The following GRID2 variants were observed in gnomAD, a reference collection of about 807,000 sequenced individuals.
The protein encoded by GRID2 is glutamate receptor ionotropic, delta-2.
In GRID2, 33 loss-of-function variants were observed where a neutral mutation model predicts 114.8. That is an observed-to-expected ratio of 0.29 (90% CI 0.22 to 0.38). The LOEUF is 0.38. Ranked by LOEUF, GRID2 falls within the 10% of genes least tolerant of loss-of-function variation. The pLI is 1.00. For synonymous variants in GRID2, 505 were observed against 449.9 expected, an observed-to-expected ratio of 1.12 and a Z score of -1.55; for missense variants, 1,184 against 1,257.7, an observed-to-expected ratio of 0.94 and a Z score of 0.89.
intron 9 of GRID2, among the ~76,000 whole-genome samples, chr4:93,398,133 G>GTGTGTGTGTGTGTGTATATATATA: frequency 4.1e-5 from 5 of 122,350 alleles, no homozygotes; most frequent in African/African-American, 1.9e-4. Context: ...ATGTGTGTGT[G>GTGTGTGTGTGTGTGTATATATATA]TATATATATA....
intron 9 of GRID2, among the ~76,000 whole-genome samples, chr4:93,416,121 C>T (rs1335743323): frequency 1.3e-5 from 2 of 152,000 alleles, no homozygotes; most frequent in East Asian, 1.9e-4. Flanking sequence ...TTCTTTACAA[C>T]ACCTGGATTG....
intron 1 of GRID2, among the ~76,000 whole-genome samples, chr4:92,581,983 A>G (rs1339906525): frequency 6.6e-6 from 1 of 152,108 alleles, no homozygotes; most frequent in East Asian, 1.9e-4. Context: ...TAAAATAAAA[A>G]TGATGCTTTC....
intron 8 of GRID2, among the ~76,000 whole-genome samples, chr4:93,301,037 C>T (rs558571364): frequency 1.9e-4 from 29 of 152,214 alleles, no homozygotes; most frequent in Non-Finnish European, 3.5e-4. Flanking sequence ...TCGGGCCTGA[C>T]ACCGGGCTGC....
intron 2 of GRID2, among the ~76,000 whole-genome samples, chr4:93,029,987 G>A (rs1443419572): frequency 3.3e-5 from 5 of 152,134 alleles, no homozygotes; most frequent in Non-Finnish European, 7.4e-5. Context: ...CAGTCTGCTA[G>A]GGGAACACAG....
chr4:93,022,441 T>G (rs1723461251), intron 2 of GRID2, among the ~76,000 whole-genome samples: 2 of 151,982 alleles, frequency 1.3e-5, no homozygotes, highest in South Asian at 4.1e-4. Context: ...TACATTTAAA[T>G]TTTTTCACAT....
intron 1 of GRID2, among the ~76,000 whole-genome samples, chr4:92,422,386 T>G (rs1450114466): frequency 6.6e-6 from 1 of 152,046 alleles, no homozygotes; most frequent in African/African-American, 2.4e-5. Context: ...TAAGCAGAGA[T>G]GAGACAAGTT....
At chr4:93,326,800 A>G (rs1757883713) in intron 8 of GRID2, among the ~76,000 whole-genome samples, 1 of 152,126 alleles carries the variant, frequency 6.6e-6, no homozygotes, top group Admixed American at 6.6e-5. Flanking sequence ...ACCCTTACGA[A>G]CTTGACTTTT....
intron 2 of GRID2, among the ~76,000 whole-genome samples, chr4:92,945,810 T>C (rs1355047621): frequency 1.3e-5 from 2 of 152,166 alleles, no homozygotes. Context: ...TTTCAGCCTT[T>C]TTACTGTCTG....
intron 1 of GRID2, among the ~76,000 whole-genome samples, chr4:92,498,928 TAAAA>T (rs11303897): frequency 0.24 from 33,090 of 137,714 alleles, 3,693 homozygotes; most frequent in Middle Eastern, 0.29. Context: ...CTTATTTAGG[TAAAA>T]AAAAAAAAAA....
chr4:93,069,257 A>ATG (rs954197949), intron 2 of GRID2, among the ~76,000 whole-genome samples: 11 of 120,368 alleles, frequency 9.1e-5, no homozygotes, highest in Admixed American at 9.0e-4. Flanking sequence ...TATATTATAT[A>ATG]TGTGTGTGTG....
intron 1 of GRID2, among the ~76,000 whole-genome samples, chr4:92,497,731 C>T (rs1723465048): frequency 6.6e-6 from 1 of 151,822 alleles, no homozygotes; most frequent in Admixed American, 6.6e-5. Flanking sequence ...ATCTTTTTTT[C>T]CAGCTTTGCT....
At chr4:92,718,632 G>A (rs1735660100) in intron 2 of GRID2, among the ~76,000 whole-genome samples, 1 of 151,614 alleles carries the variant, frequency 6.6e-6, no homozygotes, top group South Asian at 2.1e-4. Context: ...ACATGATGTT[G>A]CATGCCTGTA....
At chr4:93,163,356 G>GTATA (rs57285537) in intron 4 of GRID2, among the ~76,000 whole-genome samples, 140 of 56,080 alleles carry the variant, frequency 2.5e-3, no homozygotes, top group Non-Finnish European at 3.1e-3. Context: ...TTTTTTTTGT[G>GTATA]TATATATATA....
At chr4:92,750,884 T>C (rs1329882911) in intron 2 of GRID2, among the ~76,000 whole-genome samples, 1 of 152,164 alleles carries the variant, frequency 6.6e-6, no homozygotes, top group African/African-American at 2.4e-5. Context: ...ATTTTAGAGA[T>C]AAGTAATTTT....
At chr4:92,454,577 C>T (rs867712263) in intron 1 of GRID2, among the ~76,000 whole-genome samples, 1 of 152,330 alleles carries the variant, frequency 6.6e-6, no homozygotes, top group South Asian at 2.1e-4. Context: ...TGGCTCACGC[C>T]TGTAATCCCA....
intron 15 of GRID2, 142 bp downstream of exon 15, chr4:93,769,592 A>T: frequency 1.4e-6 from 1 of 724,982 alleles, no homozygotes; most frequent in East Asian, 2.7e-5. Flanking sequence ...GTTGTGAAAT[A>T]TAAAAATTGG....
At chr4:93,189,033 A>T (rs750918101) in intron 4 of GRID2, among the ~76,000 whole-genome samples, 5 of 152,210 alleles carry the variant, frequency 3.3e-5, no homozygotes, top group Non-Finnish European at 7.3e-5. Context: ...CCCTCAAAAT[A>T]ACCCCATTTT....
chr4:92,723,621 A>G (rs1735917918), intron 2 of GRID2, among the ~76,000 whole-genome samples: 1 of 152,132 alleles, frequency 6.6e-6, no homozygotes. Flanking sequence ...CTTTATTTTA[A>G]AAAGAAGCAT....
At chr4:93,126,886 A>G (rs1179318568) in intron 4 of GRID2, among the ~76,000 whole-genome samples, 2 of 152,194 alleles carry the variant, frequency 1.3e-5, no homozygotes, top group African/African-American at 2.4e-5. Flanking sequence ...CGTGAGCCAG[A>G]TAACTATTTA....
Sources: gnomAD v4.1 joint callset for allele counts (sites outside exome capture counted in the v4.1 genomes callset) on GRCh38, gnomAD v4.1.1 for gene constraint, MANE v1.5 for transcripts, NCBI Gene and HGNC (gene_info 2026-07-23, HGNC 2026-07-21) for gene names.